FREM2: variants seen among roughly 807,000 people sequenced by gnomAD.
FREM2 encodes the protein FRAS1 related extracellular matrix 2.
FREM2 carries 119 observed loss-of-function variants against 219.9 expected under a neutral mutation model. The ratio of observed to expected loss-of-function variants is 0.54; its 90% CI spans 0.47 to 0.63. FREM2 has a LOEUF of 0.63. Ranked by LOEUF, FREM2 falls within the 30% of genes least tolerant of loss-of-function variation. The pLI, the probability that FREM2 is intolerant of heterozygous loss-of-function variation, is 0.00. For synonymous variants in FREM2, 1,562 were observed against 1,522.8 expected (o/e 1.03, Z -0.60); for missense variants, 4,030 against 3,993.6 (o/e 1.01, Z -0.25).
chr13:38,759,461 A>C (rs73461846), intron 2 of FREM2, among the ~76,000 whole-genome samples: 7,025 of 152,096 alleles, frequency 0.046, 586 homozygotes, highest in African/African-American at 0.16. Context: ...AAAAAAAAAA[A>C]AAAACGACTG....
intron 12 of FREM2, among the ~76,000 whole-genome samples, chr13:38,857,170 A>G (rs187548528): frequency 1.3e-5 from 2 of 152,242 alleles, no homozygotes; most frequent in East Asian, 3.9e-4. Flanking sequence ...AAGGATAGTC[A>G]CTCAAATTAC....
chr13:38,813,563 CTATATATATATATATA>C (rs71074484), intron 6 of FREM2, among the ~76,000 whole-genome samples: 1 of 5,100 alleles, frequency 2.0e-4, no homozygotes, highest in East Asian at 4.2e-3. Flanking sequence ...CTCTCTCTCT[CTATATATATATATATA>C]TATATATATA....
At chr13:38,762,506 C>A (rs1873268014) in intron 2 of FREM2, among the ~76,000 whole-genome samples, 1 of 151,762 alleles carries the variant, frequency 6.6e-6, no homozygotes, top group African/African-American at 2.4e-5. Flanking sequence ...ATGGTGCGAT[C>A]TTGGCTCACC....
rs1481462762 is a variant in FREM2 at position 38,687,965 on chromosome 13, C to T, written c.621C>T (p.Phe207=). The change falls in exon 1 of 24, where the codon TTC becomes TTT. Residue 207 remains phenylalanine (F), a synonymous_variant. Coordinates refer to ENST00000280481, the MANE Select transcript of FREM2 (RefSeq NM_207361.6). ...CCCTGGACGCGCGGAGCCTGGAGTT[C>T]GCCTTCCAGCCCGAGACAGAGGAGT... The part of the protein sequence containing the change: ...SNALDARSLE[F]AFQPETEECR... 6.2e-7 allele frequency: 1 copy of T among 1,611,456 alleles called. No homozygotes were observed. The highest frequency in any genetic ancestry group is 8.5e-7 in the Non-Finnish European group (1 of 1,178,724).
chr13:38,779,357 C>T (rs1488154211), intron 4 of FREM2: 2 of 151,788 alleles, frequency 1.3e-5, no homozygotes, highest in Non-Finnish European at 2.9e-5. Flanking sequence ...AACAAACCTA[C>T]ACGTTCTGCA....
chr13:38,695,412 A>C (rs1374980957), intron 1 of FREM2, among the ~76,000 whole-genome samples: 1 of 152,188 alleles, frequency 6.6e-6, no homozygotes, highest in African/African-American at 2.4e-5. Context: ...ATATAGTTGC[A>C]TTTATGTTTT....
intron 16 of FREM2, among the ~76,000 whole-genome samples, chr13:38,872,468 G>A (rs771327630): frequency 8.5e-5 from 13 of 152,140 alleles, no homozygotes; most frequent in Admixed American, 1.3e-4. Flanking sequence ...CTGCTCTAAA[G>A]AGGATTTTGT....
intron 3 of FREM2, among the ~76,000 whole-genome samples, chr13:38,766,133 C>T (rs1873425128): frequency 6.6e-6 from 1 of 152,152 alleles, no homozygotes; most frequent in Admixed American, 6.5e-5. Flanking sequence ...TTTAATTTTT[C>T]ACTCACAACA....
At chr13:38,818,572 GATTAAT>G (rs1176004033) in intron 6 of FREM2, among the ~76,000 whole-genome samples, 1 of 152,102 alleles carries the variant, frequency 6.6e-6, no homozygotes, top group Non-Finnish European at 1.5e-5. Flanking sequence ...GAGAAAGGTT[GATTAAT>G]AGGTACATGT....
chr13:38,809,408 A>G (rs929653462), intron 6 of FREM2, among the ~76,000 whole-genome samples: 5 of 151,840 alleles, frequency 3.3e-5, no homozygotes, highest in African/African-American at 1.2e-4. Flanking sequence ...GCCCTGACCA[A>G]TGTCCTGGAG....
chr13:38,880,063 A>T (rs936607908), intron 23 of FREM2, among the ~76,000 whole-genome samples: 1 of 152,228 alleles, frequency 6.6e-6, no homozygotes, highest in East Asian at 1.9e-4. Flanking sequence ...TATGACAACA[A>T]GTATCACATA....
intron 3 of FREM2, among the ~76,000 whole-genome samples, chr13:38,765,869 C>T (rs1279956552): frequency 2.6e-5 from 4 of 152,152 alleles, no homozygotes; most frequent in Non-Finnish European, 4.4e-5. Context: ...CCTGGCTGTG[C>T]TTCTCATGCT....
At chr13:38,711,324 G>T (rs1398552300) in intron 2 of FREM2, among the ~76,000 whole-genome samples, 2 of 152,000 alleles carry the variant, frequency 1.3e-5, no homozygotes, top group Non-Finnish European at 2.9e-5. Context: ...TTTAATGTAG[G>T]ATGAAGATAG....
rs762195899 is a variant in FREM2, at chr13:38,689,770, G to A, written c.2426G>A (p.Arg809Gln). The A allele has an allele frequency of 2.2e-5, 35 of 1,613,342 alleles. No individual in the cohort carries two copies. Among genetic ancestry groups the A allele is most frequent in the Admixed American group, 8.3e-5 (5 of 59,954 alleles). The change falls in exon 1 of 24, where the codon CGA becomes CAA. Residue 809 changes from arginine (R) to glutamine (Q), a missense_variant. Physicochemically the swap from Arg to Gln is conservative, Grantham distance 43. This residue lies in a region of FREM2 where 3,102 missense variants were observed against 2,950.7 expected (regional missense o/e 1.05). Transcript: ENST00000280481. The stretch of plus-strand genomic sequence containing the variant: ...CAGTTCCAGTTCCAGGTGGAAGACC[G>A]AGCTGGGAATGTGGCTCCAGGTACC... Reference protein sequence around the residue: ...VAQFQFQVEDRAGNVAPGTFT... With the variant: ...VAQFQFQVEDQAGNVAPGTFT...
intron 13 of FREM2, 101 bp from the exon 14 acceptor site, chr13:38,859,186 T>C (rs1593449860): frequency 8.9e-7 from 1 of 1,120,954 alleles, no homozygotes. Flanking sequence ...ATGTGGAAAT[T>C]GGGGAAAGCA....
At chr13:38,807,736 G>A (rs897697362) in intron 6 of FREM2, among the ~76,000 whole-genome samples, 9 of 151,812 alleles carry the variant, frequency 5.9e-5, no homozygotes, top group Non-Finnish European at 1.3e-4. Flanking sequence ...AAACTATGTT[G>A]TAAACGGATG....
At chr13:38,703,761 T>G (rs1378051460) in intron 2 of FREM2, among the ~76,000 whole-genome samples, 1 of 152,212 alleles carries the variant, frequency 6.6e-6, no homozygotes, top group Non-Finnish European at 1.5e-5. Context: ...ATATACTGTT[T>G]TCATTGGCTT....
intron 6 of FREM2, among the ~76,000 whole-genome samples, chr13:38,830,952 C>T (rs543554946): frequency 3.9e-5 from 6 of 152,204 alleles, no homozygotes; most frequent in African/African-American, 1.4e-4. Context: ...ATCCTTGACT[C>T]GGAGAAATGT....
At chr13:38,803,114 T>G (rs967690280) in intron 6 of FREM2, among the ~76,000 whole-genome samples, 4 of 152,234 alleles carry the variant, frequency 2.6e-5, no homozygotes, top group Non-Finnish European at 4.4e-5. Context: ...TAGTCAGCCC[T>G]CTTGAACTCT....
Sources: gnomAD v4.1 joint callset for allele counts (sites outside exome capture counted in the v4.1 genomes callset) on GRCh38, gnomAD v4.1.1 for gene constraint, gnomAD v4.1.1 regional missense constraint, MANE v1.5 for transcripts, NCBI Gene and HGNC (gene_info 2026-07-23, HGNC 2026-07-21) for gene names.